Variants in BCAR3 observed in about 807,000 individuals in gnomAD.
BCAR3 encodes BCAR3 adaptor protein, NSP family member, also known as breast cancer anti-estrogen resistance protein 3.
In BCAR3, 37 loss-of-function variants were observed where a neutral mutation model predicts 80.1. The observed-to-expected ratio is 0.46, with a 90% confidence interval of 0.36 to 0.61. The LOEUF (loss-of-function observed/expected upper bound fraction) is 0.61. Among genes scored for constraint, BCAR3 ranks in the 20% least tolerant of loss-of-function variants. The pLI is 0.00. For synonymous variants in BCAR3, 389 were observed against 418.9 expected, an observed-to-expected ratio of 0.93 and a Z score of 0.87; for missense variants, 978 against 1,068.2, an observed-to-expected ratio of 0.92 and a Z score of 1.18.
In BCAR3 at chr1:93,592,624, A is replaced by C; in HGVS notation, c.358-231T>G. On this transcript the variant is annotated intron_variant, in intron 3 of 11. Transcript: ENST00000260502. This position sits in a 1 kb window ranked among gnomAD's most constrained non-coding sequence, Gnocchi z 4.8. ...GACTATGGTAGGAGAGTCCACCAAG[A>C]GGTTCCTTTTACCAGTCTACTCAAG... The C allele has an allele frequency of 2.2e-6, 1 of 456,462 alleles. No homozygotes were observed. Among genetic ancestry groups the C allele is most frequent in the Non-Finnish European group, 3.8e-6 (1 of 262,418 alleles). 28.3% of individuals were successfully genotyped at this position (456,462 alleles called of 1,614,324 possible).
At chr1:93,829,957 C>G (rs745331756) in intron 2 of BCAR3, among the ~76,000 whole-genome samples, 4 of 152,114 alleles carry the variant, frequency 2.6e-5, no homozygotes, top group Non-Finnish European at 5.9e-5. Context: ...TGATAGAGTT[C>G]TCACAAGATC....
chr1:93,845,502 A>ATATATATATAATCTCATGTTGTCAAG, intron 2 of BCAR3: 1 of 113,822 alleles, frequency 8.8e-6, no homozygotes, highest in African/African-American at 3.5e-5. Flanking sequence ...ATATATATAT[A>ATATATATATAATCTCATGTTGTCAAG]AAACTTTGTT....
In BCAR3 at chr1:93,621,713, A is replaced by G. The variant is rs184777966; in HGVS notation, c.357+20591T>C. Among the ~76,000 whole-genome samples the G allele has an allele frequency of 5.3e-5, 8 of 152,288 alleles. No individual in the cohort carries two copies. In the East Asian group the frequency reaches 1.5e-3, roughly 29 times the overall value. On this transcript the variant is annotated intron_variant, in intron 3 of 11. Transcript: ENST00000260502. ...TGGACCTTGTTTGCATGTAATACTTAGGACAGAAAATTGGAAGAGCTACAA... is the reference window on the plus strand; with the variant it reads ...TGGACCTTGTTTGCATGTAATACTTGGGACAGAAAATTGGAAGAGCTACAA...
At chr1:93,684,897 T>A (rs1024979753), upstream of BCAR3, among the ~76,000 whole-genome samples, 1 of 152,002 alleles carries the variant, frequency 6.6e-6, no homozygotes, top group South Asian at 2.1e-4. Flanking sequence ...GCCCAGCTAA[T>A]TTTTGTATTT....
intron 7 of BCAR3, among the ~76,000 whole-genome samples, chr1:93,578,330 C>T (rs1673540663): frequency 6.6e-6 from 1 of 152,168 alleles, no homozygotes. Context: ...CAGATCTGCA[C>T]CCAACTCAAC....
At position 93,582,683 on chromosome 1, in the gene BCAR3, G is replaced by A. The variant is rs374393884; in HGVS notation, c.1304C>T (p.Ala435Val). 3.2e-5 allele frequency: 51 copies of A among 1,613,944 alleles called. No homozygotes were observed. The highest frequency in any genetic ancestry group is 1.7e-4 in the African/African-American group (13 of 74,896). Reference protein sequence around the residue: ...SEANYCELNPAFATGCGRGAK... With the variant: ...SEANYCELNPVFATGCGRGAK... The stretch of plus-strand genomic sequence containing the variant: ...TCCCCTGCCGCAGCCTGTGGCAAAC[G>A]CTGGGTTCAGTTCACAGTAGTTGGC... Residue 435 changes from alanine to valine, a missense_variant, in exon 7 of 12, where the codon GCG becomes GTG. By Grantham distance (64) the Ala-to-Val change is moderately conservative. Coordinates refer to ENST00000260502, the MANE Select transcript of BCAR3 (RefSeq NM_003567.4).
chr1:93,667,514 T>C (rs1326500823), intron 2 of BCAR3, among the ~76,000 whole-genome samples: 2 of 152,240 alleles, frequency 1.3e-5, no homozygotes, highest in African/African-American at 4.8e-5. Flanking sequence ...ATTATCTGTC[T>C]TGTGTTTTTT....
intron 2 of BCAR3, among the ~76,000 whole-genome samples, chr1:93,742,722 A>G (rs1651219752): frequency 6.6e-6 from 1 of 152,252 alleles, no homozygotes; most frequent in East Asian, 1.9e-4. Flanking sequence ...AAAACCACTG[A>G]CAAGACCTTC....
chr1:93,698,535 C>T (rs1490234140), intron 3 of BCAR3, among the ~76,000 whole-genome samples: 1 of 152,140 alleles, frequency 6.6e-6, no homozygotes, highest in Admixed American at 6.5e-5. Context: ...AGGACCATCC[C>T]ACTCACTCCA....
At position 93,702,699 on chromosome 1, in the gene BCAR3, C is replaced by T. The variant is rs114515371; in HGVS notation, c.-12+3393G>A. ...AACAGCCCCAGCCCTCTTTGGAAAC[C>T]GCACACCGCCCAGTGGCATGGAACA... On this transcript the variant is annotated intron_variant, in intron 3 of 13. Transcript: ENST00000370244. 2.1e-3 allele frequency among the ~76,000 whole-genome samples: 315 copies of T among 152,334 alleles called. 1 individual carries two copies. Among genetic ancestry groups the T allele is most frequent in the African/African-American group, 7.1e-3 (295 of 41,564 alleles).
At chr1:93,801,807 G>C (rs1653488841) in intron 2 of BCAR3, among the ~76,000 whole-genome samples, 1 of 152,132 alleles carries the variant, frequency 6.6e-6, no homozygotes, top group African/African-American at 2.4e-5. Flanking sequence ...AACATAGTAA[G>C]ACCTTATCTC....
At chr1:93,748,134 G>A (rs12132569) in intron 2 of BCAR3, among the ~76,000 whole-genome samples, 17,787 of 152,002 alleles carry the variant, frequency 0.12, 1,455 homozygotes, top group African/African-American at 0.22. Flanking sequence ...CACTTCTTTA[G>A]TGAATGCCCA....
rs145003440 is a variant in BCAR3 at position 93,619,400 on chromosome 1, T to C, written c.357+22904A>G. ...GATTCTTGTATCCACTAGAAGCCCA[T>C]CCATATACCCCTTGGAGTCTTATCC... On this transcript the variant is annotated intron_variant, in intron 3 of 11. Transcript: ENST00000260502. 1.1e-4 allele frequency among the ~76,000 whole-genome samples: 16 copies of C among 152,256 alleles called. No homozygotes were observed. The East Asian group carries it at 2.3e-3, about 22-fold the overall frequency.
At chr1:93,674,018 T>A (rs1416422113) in intron 2 of BCAR3, among the ~76,000 whole-genome samples, 1 of 151,970 alleles carries the variant, frequency 6.6e-6, no homozygotes, top group Non-Finnish European at 1.5e-5. Flanking sequence ...GGTGTTATAG[T>A]TTTTTTTACA....
rs559349511 is a variant in BCAR3 at position 93,846,526 on chromosome 1, C to T, written c.-209+544G>A. Among the ~76,000 whole-genome samples the T allele has an allele frequency of 4.6e-5, 7 of 152,250 alleles. No homozygotes were observed. The East Asian group carries it at 1.4e-3, about 30-fold the overall frequency. ...ATCACTGCGGGCACTGGAAACCTGC[C>T]GGCCCCCACCCAGCCGCCTCTCAGA... On this transcript the variant is annotated intron_variant, in intron 1 of 13. Coordinates refer to the BCAR3 transcript ENST00000370244.
chr1:93,589,259 T>C lies in BCAR3; in HGVS notation c.647A>G (p.Gln216Arg), dbSNP rs749146552. ...LRLSEAYSRV[Q>R]YQFEMESFDS... is the part of the protein sequence containing the mutation. ...GAAGCTCTCCATCTCGAACTGGTAC[T>C]GCACGCGGCTGTAGGCCTCGCTGAG... The change falls in exon 5 of 12, where the codon CAG (glutamine) becomes CGG (arginine). Residue 216 changes from glutamine (Q) to arginine (R), a missense_variant. Coordinates refer to ENST00000260502, the MANE Select transcript of BCAR3 (RefSeq NM_003567.4). The C allele has an allele frequency of 6.2e-7, 1 of 1,614,198 alleles. No homozygotes were observed. Among genetic ancestry groups the C allele is most frequent in the Non-Finnish European group, 8.5e-7 (1 of 1,180,032 alleles).
At chr1:93,640,272 T>TGGGTCCCC (rs1675936931) in intron 3 of BCAR3, among the ~76,000 whole-genome samples, 1 of 152,200 alleles carries the variant, frequency 6.6e-6, no homozygotes, top group African/African-American at 2.4e-5. Context: ...GATGGGTCCC[T>TGGGTCCCC]GGGTCCCCTT....
intron 3 of BCAR3, among the ~76,000 whole-genome samples, chr1:93,616,800 A>G (rs1675142569): frequency 6.6e-6 from 1 of 152,136 alleles, no homozygotes; most frequent in Non-Finnish European, 1.5e-5. Flanking sequence ...GGACTGAGGA[A>G]GGGAGGGGCC....
At chr1:93,812,376 C>CT (rs1257795819) in intron 2 of BCAR3, among the ~76,000 whole-genome samples, 1 of 152,128 alleles carries the variant, frequency 6.6e-6, no homozygotes, top group Non-Finnish European at 1.5e-5. Context: ...CTTCATACCT[C>CT]TATCAGGTCA....
Sources: allele counts gnomAD v4.1 joint callset (sites outside exome capture counted in the v4.1 genomes callset), GRCh38; gene constraint gnomAD v4.1.1; non-coding constraint Gnocchi (gnomAD v3.1); transcripts MANE v1.5; gene names NCBI Gene and HGNC (gene_info 2026-07-23, HGNC 2026-07-21).